Variants in SEMA5A observed in about 807,000 individuals in gnomAD.
SEMA5A encodes semaphorin-5A.
A neutral mutation model predicts 135.5 loss-of-function variants in SEMA5A; 55 were observed. That is an observed-to-expected ratio of 0.41 (90% CI 0.33 to 0.51). The LOEUF (loss-of-function observed/expected upper bound fraction) is 0.51. Ranked by LOEUF, SEMA5A falls within the 20% of genes least tolerant of loss-of-function variation. The probability of loss-of-function intolerance (pLI) is 0.37; values close to 1 mark genes in which losing one functional copy is unlikely to be tolerated. For missense variants in SEMA5A, 1,290 were observed against 1,419.9 expected (o/e 0.91, Z 1.47); for synonymous variants, 580 against 546.5 (o/e 1.06, Z -0.85).
intron 2 of SEMA5A, among the ~76,000 whole-genome samples, chr5:9,416,310 G>A (rs1172221359): frequency 6.6e-6 from 1 of 152,288 alleles, no homozygotes; most frequent in East Asian, 1.9e-4. Flanking sequence ...AAGATAGAGG[G>A]TCACTGGGGG....
intron 1 of SEMA5A, among the ~76,000 whole-genome samples, chr5:9,442,855 T>C (rs370339281): frequency 9.2e-5 from 14 of 152,228 alleles, no homozygotes; most frequent in African/African-American, 3.4e-4. Context: ...TACTGAGGAA[T>C]GAATGTTCTT....
At chr5:9,310,853 A>T (rs1752095300) in intron 5 of SEMA5A, among the ~76,000 whole-genome samples, 1 of 149,386 alleles carries the variant, frequency 6.7e-6, no homozygotes, top group African/African-American at 2.4e-5. Flanking sequence ...ATATACACAC[A>T]ATATATATAT....
At chr5:9,526,001 T>C (rs1737102628) in intron 1 of SEMA5A, among the ~76,000 whole-genome samples, 2 of 152,304 alleles carry the variant, frequency 1.3e-5, no homozygotes, top group Non-Finnish European at 2.9e-5. Flanking sequence ...ACTTTAAAGA[T>C]TTATAGAGAG....
At chr5:9,213,277 T>C (rs1007915143) in intron 8 of SEMA5A, among the ~76,000 whole-genome samples, 25 of 152,218 alleles carry the variant, frequency 1.6e-4, no homozygotes, top group African/African-American at 6.0e-4. Flanking sequence ...AAATGTCCGT[T>C]GAGTGCTTAC....
intron 8 of SEMA5A, among the ~76,000 whole-genome samples, chr5:9,219,118 G>T (rs150423175): frequency 6.6e-6 from 1 of 152,224 alleles, no homozygotes; most frequent in African/African-American, 2.4e-5. Flanking sequence ...GCCTCAGATC[G>T]TCTAACTCCA....
intron 1 of SEMA5A, among the ~76,000 whole-genome samples, chr5:9,452,808 T>C (rs1561264940): frequency 6.6e-6 from 1 of 152,142 alleles, no homozygotes; most frequent in Non-Finnish European, 1.5e-5. Flanking sequence ...TCCAGGTCCA[T>C]GCAGAAGCAA....
At chr5:9,428,077 T>G (rs1757723120) in intron 2 of SEMA5A, among the ~76,000 whole-genome samples, 1 of 44,686 alleles carries the variant, frequency 2.2e-5, no homozygotes, top group African/African-American at 7.5e-5. Flanking sequence ...TGTAAATATA[T>G]ATATGTGTGT....
At chr5:9,478,968 G>A (rs1198762717) in intron 1 of SEMA5A, among the ~76,000 whole-genome samples, 1 of 152,186 alleles carries the variant, frequency 6.6e-6, no homozygotes, top group Non-Finnish European at 1.5e-5. Flanking sequence ...GGAACCTGGT[G>A]AGAGGGATTG....
In SEMA5A at chr5:9,268,437, G is replaced by A. The variant is rs192176977; in HGVS notation, c.271-30547C>T. 2.5e-4 allele frequency among the ~76,000 whole-genome samples: 38 copies of A among 152,184 alleles called. No homozygotes were observed. The South Asian group carries it at 6.0e-3, about 24-fold the overall frequency. Reference sequence around the variant, plus strand: ...CACTGAGGAAAACACAGAAAACGGCGTCATGAGACTCCCAGGGAAGGAAAT... The same window carrying A: ...CACTGAGGAAAACACAGAAAACGGCATCATGAGACTCCCAGGGAAGGAAAT... On this transcript the variant is annotated intron_variant, in intron 5 of 22. Coordinates refer to ENST00000382496, the MANE Select transcript of SEMA5A (RefSeq NM_003966.3).
In SEMA5A at chr5:9,154,646, G is replaced by T. The variant is rs1405889415; in HGVS notation, c.1323C>A (p.Ser441Arg). 2 of 1,614,088 alleles carry T rather than the reference G, an allele frequency of 1.2e-6. No individual in the cohort carries two copies. The highest frequency in any genetic ancestry group is 1.7e-6 in the Non-Finnish European group (2 of 1,180,026). ...KVRVPLNQTSSSCLLEEIELF... is the reference protein window; with the variant it reads ...KVRVPLNQTSRSCLLEEIELF... ...GCTCAATCTCTTCCAGCAAACAGCTGCTTGAGGTCTGATTCAGGGGTACCC... is the reference window on the plus strand; with the variant it reads ...GCTCAATCTCTTCCAGCAAACAGCTTCTTGAGGTCTGATTCAGGGGTACCC... The change falls in exon 12 of 23, where the codon AGC (serine) becomes AGA (arginine). Residue 441 changes from serine to arginine, a missense_variant. Physicochemically the swap from Ser to Arg is moderately radical, Grantham distance 110 (BLOSUM62 -1). Transcript: ENST00000382496.
chr5:9,469,805 C>T (rs1759409438), intron 1 of SEMA5A, among the ~76,000 whole-genome samples: 1 of 152,174 alleles, frequency 6.6e-6, no homozygotes, highest in Non-Finnish European at 1.5e-5. Context: ...AGCAGGCTTG[C>T]ATTAAAAGCA....
At chr5:9,446,666 A>G (rs926233674) in intron 1 of SEMA5A, among the ~76,000 whole-genome samples, 3 of 152,142 alleles carry the variant, frequency 2.0e-5, no homozygotes, top group African/African-American at 7.2e-5. Flanking sequence ...GTGGTCTCTC[A>G]ATTCCTACTT....
intron 3 of SEMA5A, among the ~76,000 whole-genome samples, chr5:9,362,896 A>G (rs1030710850): frequency 1.3e-5 from 2 of 152,254 alleles, no homozygotes; most frequent in Non-Finnish European, 2.9e-5. Context: ...ATGAGAAACA[A>G]CAGACTGGCT....
intron 1 of SEMA5A, among the ~76,000 whole-genome samples, chr5:9,509,155 G>A (rs202016226): frequency 1.4e-4 from 1 of 7,352 alleles, no homozygotes; most frequent in Admixed American, 8.5e-4. Flanking sequence ...CAGGGGTGAA[G>A]AAAAGAGCAG....
intron 2 of SEMA5A, among the ~76,000 whole-genome samples, chr5:9,423,089 C>G (rs1025829697): frequency 6.6e-6 from 1 of 152,122 alleles, no homozygotes; most frequent in Non-Finnish European, 1.5e-5. Flanking sequence ...TAGCTGATAT[C>G]TTACCACCGC....
At chr5:9,429,831 G>A (rs1757793283) in intron 2 of SEMA5A, among the ~76,000 whole-genome samples, 1 of 152,232 alleles carries the variant, frequency 6.6e-6, no homozygotes, top group African/African-American at 2.4e-5. Context: ...GAGAGGATGA[G>A]GACAAAGAAG....
At chr5:9,467,165 T>G (rs1579588385) in intron 1 of SEMA5A, among the ~76,000 whole-genome samples, 1 of 151,798 alleles carries the variant, frequency 6.6e-6, no homozygotes. Flanking sequence ...CAGGCTGGAG[T>G]GCAGTGGTGT....
chr5:9,222,291 A>G lies in SEMA5A; in HGVS notation c.646+2383T>C, dbSNP rs139377442. ...TCCTGGATGGAGGATCAATCAGAGA[A>G]GCGAATCAGGGTCAACTAGGAGTGG... On this transcript the variant is annotated intron_variant, in intron 8 of 22. Transcript: ENST00000382496. Among the ~76,000 whole-genome samples, 53 of 152,280 alleles carry G rather than the reference A, an allele frequency of 3.5e-4. 1 individual carries two copies. The East Asian group carries it at 9.3e-3, about 27-fold the overall frequency.
chr5:9,182,421 C>G (rs907737741), intron 11 of SEMA5A, among the ~76,000 whole-genome samples: 1 of 152,154 alleles, frequency 6.6e-6, no homozygotes. Context: ...GATAGGTGTT[C>G]CATTATCACT....
Sources: gnomAD v4.1 joint callset for allele counts (sites outside exome capture counted in the v4.1 genomes callset) on GRCh38, gnomAD v4.1.1 for gene constraint, MANE v1.5 for transcripts, NCBI Gene and HGNC (gene_info 2026-07-23, HGNC 2026-07-21) for gene names.